CDH2: variants seen among roughly 807,000 people sequenced by gnomAD.
CDH2 encodes cadherin 2, also known as cadherin-2.
In CDH2, 17 loss-of-function variants were observed where a neutral mutation model predicts 92.0. The ratio of observed to expected loss-of-function variants is 0.18; its 90% confidence interval spans 0.13 to 0.28. CDH2 has a LOEUF of 0.28. CDH2 is among the 10% of genes least tolerant of loss of function. The pLI, the probability that CDH2 is intolerant of heterozygous loss-of-function variation, is 1.00. For missense variants in CDH2, 862 were observed against 1,133.1 expected (o/e 0.76, Z 3.44); for synonymous variants, 419 against 415.9 (o/e 1.01, Z -0.09).
At chr18:28,078,247 T>G (rs780013056) in intron 2 of CDH2, among the ~76,000 whole-genome samples, 1 of 152,092 alleles carries the variant, frequency 6.6e-6, no homozygotes, top group Non-Finnish European at 1.5e-5. Context: ...CCTCCAGCGC[T>G]GAGAGAACCC....
At chr18:28,051,549 G>T (rs1477872072) in intron 2 of CDH2, among the ~76,000 whole-genome samples, 1 of 152,102 alleles carries the variant, frequency 6.6e-6, no homozygotes, top group African/African-American at 2.4e-5. Flanking sequence ...TTTCTATCAG[G>T]AGTGCTGAAC....
intron 2 of CDH2, among the ~76,000 whole-genome samples, chr18:28,042,499 T>C (rs1433937830): frequency 6.6e-6 from 1 of 152,300 alleles, no homozygotes; most frequent in Admixed American, 6.5e-5. Flanking sequence ...AATTTTCATG[T>C]TGAAAACAAG....
intron 2 of CDH2, among the ~76,000 whole-genome samples, chr18:28,078,685 T>C (rs1480973791): frequency 6.6e-6 from 1 of 152,068 alleles, no homozygotes; most frequent in Admixed American, 6.6e-5. Flanking sequence ...TGATTTTTTT[T>C]TTTTTTGCAT....
rs752832492 is a variant in CDH2, at chr18:28,009,837, C to T, written c.582G>A (p.Arg194=). 5.0e-6 allele frequency: 8 copies of T among 1,613,236 alleles called. 1 individual carries two copies. The South Asian group carries it at 6.6e-5, about 13-fold the overall frequency. The change falls in exon 5 of 16, where the codon CGG becomes CGA. Residue 194 remains arginine, a synonymous_variant. Transcript: ENST00000269141. ...CAGCTCCTGGCCCAGTTACACTGTA[C>T]CGCAGTGAAAGGTTTTTATCTCTAT... ...RSDRDKNLSL[R]YSVTGPGADQ...
intron 1 of CDH2, among the ~76,000 whole-genome samples, chr18:28,175,558 G>A (rs1486872693): frequency 6.6e-6 from 1 of 152,082 alleles, no homozygotes; most frequent in African/African-American, 2.4e-5. Context: ...TAGGGGTTGC[G>A]GGAGAAAGCG....
chr18:28,138,558 T>C (rs528747632), intron 2 of CDH2, among the ~76,000 whole-genome samples: 1 of 152,060 alleles, frequency 6.6e-6, no homozygotes, highest in African/African-American at 2.4e-5. Flanking sequence ...ACTGAAGAAA[T>C]TGTTTGATGT....
In CDH2 at chr18:28,112,221, ACT is replaced by A. The variant is rs535871129; in HGVS notation, c.172+35450_172+35451del. On this transcript the variant is annotated intron_variant, in intron 2 of 15. Coordinates refer to ENST00000269141, the MANE Select transcript of CDH2 (RefSeq NM_001792.5). ...TAATCACCCCCACTATAAATGCAAG[ACT>A]CTGTGTCTCCAGAGCTGGTTTGTTT... is the stretch of plus-strand genomic sequence containing the variant. Among the ~76,000 whole-genome samples, 46 of 152,306 alleles carry A rather than the reference ACT, an allele frequency of 3.0e-4. 1 individual carries two copies. In the South Asian group the frequency reaches 5.4e-3, roughly 18 times the overall value.
chr18:27,978,500 T>C (rs1402929886), intron 14 of CDH2, among the ~76,000 whole-genome samples: 3 of 151,898 alleles, frequency 2.0e-5, no homozygotes, highest in Non-Finnish European at 4.4e-5. Context: ...ATAAAGAACA[T>C]GAAGAAGTCC....
At chr18:28,126,958 G>A (rs575409375) in intron 2 of CDH2, among the ~76,000 whole-genome samples, 1 of 152,158 alleles carries the variant, frequency 6.6e-6, no homozygotes, top group Non-Finnish European at 1.5e-5. Flanking sequence ...AGAATGTCCA[G>A]AGGGATGATG....
chr18:28,098,967 T>C (rs2015183320), intron 2 of CDH2, among the ~76,000 whole-genome samples: 1 of 152,088 alleles, frequency 6.6e-6, no homozygotes, highest in Non-Finnish European at 1.5e-5. Flanking sequence ...TATATATACA[T>C]AGGGGAAAAA....
intron 1 of CDH2, among the ~76,000 whole-genome samples, chr18:28,168,301 C>T (rs910097007): frequency 7.9e-5 from 12 of 152,028 alleles, no homozygotes; most frequent in South Asian, 4.1e-4. Flanking sequence ...GAATATTCAC[C>T]GGAACTTGTC....
chr18:27,951,408 C>A lies in CDH2; in HGVS notation c.*745G>T, dbSNP rs1909440661. 1 of 152,356 alleles carries A rather than the reference C, an allele frequency of 6.6e-6. No individual in the cohort carries two copies. Among genetic ancestry groups the A allele is most frequent in the Admixed American group, 6.6e-5 (1 of 15,240 alleles). The allele number at this position is 152,356 out of a possible 1,614,324, so 9.4% of individuals were successfully genotyped here. ...AATACATACACATGTTCTGAAGTTT[C>A]TGCACTTCTCCATAGACTATGCCAA... is the stretch of plus-strand genomic sequence containing the variant. On this transcript the variant is annotated 3_prime_UTR_variant, in exon 16 of 16. Transcript: ENST00000269141.
At chr18:28,166,148 T>C (rs1329618716) in intron 1 of CDH2, among the ~76,000 whole-genome samples, 56 of 19,786 alleles carry the variant, frequency 2.8e-3, no homozygotes, top group African/African-American at 0.012. Context: ...TCAGACACAC[T>C]CATATATATA....
chr18:27,955,380 A>AG (rs554339933), intron 15 of CDH2, among the ~76,000 whole-genome samples: 3 of 92,654 alleles, frequency 3.2e-5, no homozygotes, highest in African/African-American at 9.1e-5. Flanking sequence ...AAAAAAAAAA[A>AG]AAAAAGAAAA....
chr18:28,172,803 G>A (rs1004630568), intron 1 of CDH2, among the ~76,000 whole-genome samples: 5 of 151,936 alleles, frequency 3.3e-5, no homozygotes, highest in South Asian at 2.1e-4. Context: ...GTGTATATAC[G>A]AACACAACAC....
intron 2 of CDH2, among the ~76,000 whole-genome samples, chr18:28,107,488 T>A (rs1342182793): frequency 6.6e-6 from 1 of 151,948 alleles, no homozygotes; most frequent in Non-Finnish European, 1.5e-5. Flanking sequence ...TAATAAAAAG[T>A]CCAATGTAGA....
At chr18:28,041,015 T>C (rs17535524) in intron 2 of CDH2, among the ~76,000 whole-genome samples, 7,859 of 152,246 alleles carry the variant, frequency 0.052, 695 homozygotes, top group African/African-American at 0.18. Flanking sequence ...CTAAGAATGT[T>C]TGAACATCAC....
chr18:27,959,302 A>G (rs2011337334), intron 15 of CDH2, among the ~76,000 whole-genome samples: 1 of 152,220 alleles, frequency 6.6e-6, no homozygotes, highest in Non-Finnish European at 1.5e-5. Flanking sequence ...ATTCAAGGCA[A>G]CATTCATTCC....
rs892550594 is a variant in CDH2, at chr18:28,033,453, G to A, written c.173-19544C>T. On this transcript the variant is annotated intron_variant, in intron 2 of 15. Transcript: ENST00000269141. ...TAAAGATCTAATTACTGATGCACAC[G>A]AATTGGTTCACTGAATTTAGGTGCT... 3.3e-5 allele frequency among the ~76,000 whole-genome samples: 5 copies of A among 152,094 alleles called. No individual in the cohort carries two copies. The East Asian group carries it at 5.8e-4, about 18-fold the overall frequency.
Sources: gnomAD v4.1 joint callset for allele counts (sites outside exome capture counted in the v4.1 genomes callset) on GRCh38, gnomAD v4.1.1 for gene constraint, MANE v1.5 for transcripts, NCBI Gene and HGNC (gene_info 2026-07-23, HGNC 2026-07-21) for gene names.